Variants in CLIP2 observed in about 807,000 individuals in gnomAD.
CLIP2 encodes CAP-Gly domain-containing linker protein 2.
Under a neutral mutation model 111.7 loss-of-function variants are expected in CLIP2, and 41 were observed. The observed-to-expected ratio is 0.37, with a 90% CI of 0.29 to 0.48. CLIP2 has a LOEUF of 0.48. Among genes scored for constraint, CLIP2 ranks in the 20% least tolerant of loss-of-function variants. CLIP2 has a pLI of 0.99. For missense variants in CLIP2, 1,160 were observed against 1,422.1 expected (o/e 0.82, Z 2.96); for synonymous variants, 660 against 644.2 (o/e 1.02, Z -0.37).
intron 3 of CLIP2, among the ~76,000 whole-genome samples, chr7:74,339,824 G>A (rs530958861): frequency 2.6e-5 from 4 of 152,162 alleles, no homozygotes; most frequent in East Asian, 3.9e-4. Flanking sequence ...ACAGTGGTTC[G>A]TGCTTGTAAT....
intron 4 of CLIP2, among the ~76,000 whole-genome samples, chr7:74,355,570 G>A (rs574262429): frequency 1.3e-5 from 2 of 152,118 alleles, no homozygotes; most frequent in South Asian, 4.2e-4. Flanking sequence ...TGATCGCACC[G>A]CTGCACTCCA....
rs10695450 is a variant in CLIP2, at chr7:74,337,593, C to CT, written c.122-844dup. ...CTTGAGAAGTGGAAAGCCATTGCTT[C>CT]TTTTTTTTTTTGTCTTTTTAAAAAT... On this transcript the variant is annotated intron_variant, in intron 2 of 16. Transcript: ENST00000223398. 2.8e-3 allele frequency among the ~76,000 whole-genome samples: 418 copies of CT among 147,158 alleles called. 1 individual carries two copies. The highest frequency in any genetic ancestry group is 5.4e-3 in the African/African-American group (215 of 40,154).
At chr7:74,365,736 C>T (rs1790458926) in intron 8 of CLIP2, among the ~76,000 whole-genome samples, 2 of 152,110 alleles carry the variant, frequency 1.3e-5, no homozygotes, top group South Asian at 2.1e-4. Flanking sequence ...CAAAGTCCCA[C>T]TCATCCCCTC....
chr7:74,400,532 A>C lies in CLIP2; in HGVS notation c.3043A>C (p.Arg1015=), dbSNP rs1554317393. ...QQVEKLMEAM[R]SCPDKAQTIG... is the part of the protein sequence containing the mutation. ...GGTGGAGAAGCTGATGGAGGCCATG[A>C]GGAGCTGCCCTGACAAGGCCCAGGT... Residue 1015 remains arginine (R), a synonymous_variant, in exon 15 of 17, where the codon AGG becomes CGG. Coordinates refer to ENST00000223398, the MANE Select transcript of CLIP2 (RefSeq NM_003388.5). The C allele has an allele frequency of 6.3e-7, 1 of 1,597,144 alleles. No homozygotes were observed. Among genetic ancestry groups the C allele is most frequent in the Admixed American group, 1.8e-5 (1 of 56,894 alleles).
At chr7:74,313,333 G>A (rs904332100) in intron 1 of CLIP2, among the ~76,000 whole-genome samples, 5 of 151,914 alleles carry the variant, frequency 3.3e-5, no homozygotes, top group African/African-American at 4.8e-5. Context: ...GCCGAGGGGG[G>A]CAGATCATGA....
intron 1 of CLIP2, among the ~76,000 whole-genome samples, chr7:74,310,563 T>G (rs1554728356): frequency 1.3e-5 from 2 of 152,132 alleles, no homozygotes; most frequent in Non-Finnish European, 1.5e-5. Context: ...GCTGCCCTAC[T>G]TTTGTTTGTA....
At chr7:74,396,661 C>T (rs1222646330) in intron 13 of CLIP2, among the ~76,000 whole-genome samples, 1 of 152,142 alleles carries the variant, frequency 6.6e-6, no homozygotes, top group African/African-American at 2.4e-5. Flanking sequence ...CCTGGGATTA[C>T]AGGCACTTAC....
At chr7:74,359,647 A>G (rs531008884) in intron 6 of CLIP2, among the ~76,000 whole-genome samples, 44 of 152,052 alleles carry the variant, frequency 2.9e-4, no homozygotes, top group Admixed American at 1.2e-3. Flanking sequence ...GAGCCACTGC[A>G]CCCGGCCCAT....
intron 7 of CLIP2, among the ~76,000 whole-genome samples, chr7:74,362,511 T>TTTTTTC (rs1554309972): frequency 6.7e-6 from 1 of 148,302 alleles, no homozygotes; most frequent in Non-Finnish European, 1.5e-5. Context: ...ACACAGATCT[T>TTTTTTC]TTTTTCTTTT....
intron 13 of CLIP2, 142 bp from the exon 14 acceptor site, chr7:74,396,932 G>A (rs1791465711): frequency 1.9e-6 from 2 of 1,028,570 alleles, no homozygotes; most frequent in East Asian, 2.5e-5. Context: ...GTCTACTGTG[G>A]CCCCTCGTGG....
At chr7:74,359,538 G>A (rs1345659711) in intron 6 of CLIP2, among the ~76,000 whole-genome samples, 5 of 151,662 alleles carry the variant, frequency 3.3e-5, no homozygotes, top group Non-Finnish European at 7.4e-5. Flanking sequence ...TGTATTTTTA[G>A]TAGAGATGGG....
chr7:74,319,979 T>C (rs2116507776), intron 2 of CLIP2, among the ~76,000 whole-genome samples: 1 of 151,562 alleles, frequency 6.6e-6, no homozygotes, highest in East Asian at 1.9e-4. Context: ...CCCAGCTCTT[T>C]GGGAGGCTGA....
At chr7:74,345,675 C>T (rs1250794768) in intron 3 of CLIP2, among the ~76,000 whole-genome samples, 2 of 151,650 alleles carry the variant, frequency 1.3e-5, no homozygotes, top group African/African-American at 4.8e-5. Context: ...GGGGAAACCC[C>T]GTCTCTGCTA....
intron 2 of CLIP2, among the ~76,000 whole-genome samples, chr7:74,332,711 C>T (rs956291408): frequency 3.3e-5 from 5 of 152,166 alleles, no homozygotes; most frequent in Non-Finnish European, 5.9e-5. Flanking sequence ...ACACCCACAT[C>T]ATTCGAGGTG....
In CLIP2 at chr7:74,317,587, G is replaced by C; in HGVS notation, c.41G>C (p.Gly14Ala). 6.7e-7 allele frequency: 1 copy of C among 1,499,778 alleles called. No homozygotes were observed. The highest frequency in any genetic ancestry group is 8.9e-7 in the Non-Finnish European group (1 of 1,118,386). The allele number at this position is 1,499,778 out of a possible 1,614,324, so 92.9% of individuals were successfully genotyped here. A position where few individuals can be genotyped will look rare whatever the true frequency, so the allele number is the denominator to read the frequency against. Residue 14 changes from glycine (G) to alanine (A), a missense_variant, in exon 2 of 17, where the codon GGG becomes GCG. Around this residue, in one of 5 missense-constraint regions of CLIP2, gnomAD observed 301 missense variants for 315.2 expected, o/e 0.96. Coordinates refer to ENST00000223398, the MANE Select transcript of CLIP2 (RefSeq NM_003388.5). ...GGCCTGAAGCCCCCCGGCCGTGGGG[G>C]GAAGCACTCCAGCCCCATGGGCCGG... is the stretch of plus-strand genomic sequence containing the variant. ...PSGLKPPGRG[G>A]KHSSPMGRTS...
chr7:74,297,533 G>C (rs1564023531), intron 1 of CLIP2, among the ~76,000 whole-genome samples: 1 of 152,054 alleles, frequency 6.6e-6, no homozygotes, highest in Non-Finnish European at 1.5e-5. Context: ...CCCTTTGAGA[G>C]GAAGCCTCAG....
At chr7:74,403,108 A>G (rs542276649) in intron 16 of CLIP2, among the ~76,000 whole-genome samples, 2 of 140,390 alleles carry the variant, frequency 1.4e-5, no homozygotes, top group Admixed American at 7.4e-5. Context: ...AGTCCCAGCT[A>G]CTCGGGAGGC....
At chr7:74,302,373 G>A (rs1227204174) in intron 1 of CLIP2, among the ~76,000 whole-genome samples, 2 of 151,382 alleles carry the variant, frequency 1.3e-5, no homozygotes, top group Non-Finnish European at 2.9e-5. Context: ...ACACCACCAC[G>A]CCCAATTAAT....
At chr7:74,392,590 G>A (rs1283449954) in intron 13 of CLIP2, among the ~76,000 whole-genome samples, 6 of 152,006 alleles carry the variant, frequency 3.9e-5, no homozygotes, top group African/African-American at 1.4e-4. Flanking sequence ...ACTTTGGGAG[G>A]CCGAGGCAGG....
Sources: gnomAD v4.1 joint callset for allele counts (sites outside exome capture counted in the v4.1 genomes callset) on GRCh38, gnomAD v4.1.1 for gene constraint, gnomAD v4.1.1 regional missense constraint, MANE v1.5 for transcripts, NCBI Gene and HGNC (gene_info 2026-07-23, HGNC 2026-07-21) for gene names.